The following MAOB variants were observed in gnomAD, a reference collection of about 807,000 sequenced individuals.
MAOB encodes the protein monoamine oxidase B.
Under a neutral mutation model 41.9 loss-of-function variants are expected in MAOB, and 15 were observed. The ratio of observed to expected loss-of-function variants is 0.36; its 90% CI spans 0.24 to 0.55. The LOEUF (loss-of-function observed/expected upper bound fraction) is 0.55. Ranked by LOEUF, MAOB falls within the 20% of genes least tolerant of loss-of-function variation. The pLI is 0.86. For missense variants in MAOB, 345 were observed against 398.7 expected, an observed-to-expected ratio of 0.87 and a Z score of 1.15; for synonymous variants, 167 against 144.2, an observed-to-expected ratio of 1.16 and a Z score of -1.13.
chrX:43,781,000 C>A (rs990162193), intron 9 of MAOB, among the ~76,000 whole-genome samples: 19 of 111,133 alleles, frequency 1.7e-4, no homozygotes, highest in African/African-American at 5.9e-4. Context: ...ACGTGCTGGT[C>A]GTCCCTGGAA....
chrX:43,811,980 C>T (rs1274581745), intron 3 of MAOB, among the ~76,000 whole-genome samples: 1 of 111,345 alleles, frequency 9.0e-6, no homozygotes, highest in Admixed American at 9.6e-5. Context: ...CCTTATCTTC[C>T]TCCCACCAAC....
chrX:43,853,693 T>G (rs1290408420), intron 1 of MAOB, among the ~76,000 whole-genome samples: 1 of 111,464 alleles, frequency 9.0e-6, no homozygotes, highest in Non-Finnish European at 1.9e-5. Flanking sequence ...AACAGAGACA[T>G]GCACATAGGG....
At chrX:43,808,888 A>G (rs1306517118) in intron 3 of MAOB, among the ~76,000 whole-genome samples, 5 of 110,438 alleles carry the variant, frequency 4.5e-5, no homozygotes, top group Non-Finnish European at 9.4e-5. Context: ...TATTTTTAGT[A>G]GAGACGTGGT....
intron 11 of MAOB, among the ~76,000 whole-genome samples, chrX:43,778,213 G>A (rs779125061): frequency 2.3e-4 from 25 of 111,067 alleles, no homozygotes; most frequent in Non-Finnish European, 3.4e-4. Context: ...TTTTTTTACT[G>A]TGAGACAGTG....
At chrX:43,859,262 T>G (rs2035317034) in intron 1 of MAOB, among the ~76,000 whole-genome samples, 1 of 111,601 alleles carries the variant, frequency 9.0e-6, no homozygotes, top group Non-Finnish European at 1.9e-5. Flanking sequence ...GTCGATAACA[T>G]TTTTATCATA....
At chrX:43,815,030 C>G (rs1055039350) in intron 3 of MAOB, among the ~76,000 whole-genome samples, 2 of 111,402 alleles carry the variant, frequency 1.8e-5, no homozygotes, top group Admixed American at 1.9e-4. Flanking sequence ...GCATTGACCT[C>G]AAAGAATAAG....
At chrX:43,825,020 T>C (rs1341345057) in intron 3 of MAOB, among the ~76,000 whole-genome samples, 1 of 112,858 alleles carries the variant, frequency 8.9e-6, no homozygotes, top group Non-Finnish European at 1.9e-5. Context: ...CTAGGCCCTA[T>C]GCCATTTAGC....
chrX:43,850,794 T>C (rs778383700), intron 1 of MAOB, among the ~76,000 whole-genome samples: 2 of 112,322 alleles, frequency 1.8e-5, no homozygotes, highest in African/African-American at 6.5e-5. Context: ...GGATGATTTA[T>C]GCTCTTGAAA....
chrX:43,850,793 A>G (rs758403256), intron 1 of MAOB, among the ~76,000 whole-genome samples: 211 of 112,322 alleles, frequency 1.9e-3, no homozygotes, highest in Non-Finnish European at 3.5e-3. Context: ...GGGATGATTT[A>G]TGCTCTTGAA....
chrX:43,820,810 A>G (rs748624913), intron 3 of MAOB, among the ~76,000 whole-genome samples: 1 of 112,550 alleles, frequency 8.9e-6, no homozygotes, highest in East Asian at 2.8e-4. Context: ...AGTGACTTGC[A>G]CATAGTAAAT....
intron 12 of MAOB, among the ~76,000 whole-genome samples, chrX:43,772,720 T>C (rs997906643): frequency 1.8e-5 from 2 of 111,793 alleles, no homozygotes; most frequent in Non-Finnish European, 3.8e-5. Context: ...TTTCCAATGC[T>C]TGAGGTGGGG....
intron 10 of MAOB, among the ~76,000 whole-genome samples, chrX:43,780,025 A>T (rs1274148055): frequency 1.8e-5 from 2 of 111,668 alleles, no homozygotes; most frequent in African/African-American, 6.5e-5. Context: ...CCCCTGGGTT[A>T]TATCCATTTT....
intron 5 of MAOB, among the ~76,000 whole-genome samples, chrX:43,801,516 A>T (rs1230039896): frequency 1.8e-5 from 2 of 111,571 alleles, no homozygotes; most frequent in Non-Finnish European, 3.8e-5. Context: ...TTGAATGGGA[A>T]CCCTCATAAT....
At chrX:43,844,334 T>C (rs1247933893) in intron 1 of MAOB, 1 of 112,247 alleles carries the variant, frequency 8.9e-6, no homozygotes, top group Non-Finnish European at 1.9e-5. Context: ...TCATGACTAA[T>C]TTAATTATTA....
intron 3 of MAOB, chrX:43,838,103 T>C (rs1236196273): frequency 1.6e-5 from 4 of 256,100 alleles, no homozygotes; most frequent in Admixed American, 1.2e-4. Context: ...TTCTGCAAAT[T>C]TAAGAGCCTT....
At chrX:43,816,752 A>G in intron 3 of MAOB, among the ~76,000 whole-genome samples, 1 of 112,011 alleles carries the variant, frequency 8.9e-6, no homozygotes, top group Non-Finnish European at 1.9e-5. Flanking sequence ...TGAGAGAGAA[A>G]TAAGAGGAAG....
intron 1 of MAOB, among the ~76,000 whole-genome samples, chrX:43,853,267 C>CAAAAAA (rs397957481): frequency 6.9e-4 from 18 of 26,092 alleles, no homozygotes; most frequent in East Asian, 9.4e-4. Context: ...GAGTCCGTCT[C>CAAAAAA]AAAAAAAAAA....
chrX:43,882,164 C>A, intron 1 of MAOB, 90 bp downstream of exon 1: 1 of 1,160,381 alleles, frequency 8.6e-7, no homozygotes, highest in South Asian at 2.0e-5. Flanking sequence ...CAGGGTCAGC[C>A]CCTGCCCCAC....
intron 3 of MAOB, among the ~76,000 whole-genome samples, chrX:43,814,105 G>C (rs2034780219): frequency 9.0e-6 from 1 of 110,905 alleles, no homozygotes; most frequent in Admixed American, 9.6e-5. Context: ...AGAGGCCCTA[G>C]TGTCTTCAGA....
Sources: allele counts gnomAD v4.1 joint callset (sites outside exome capture counted in the v4.1 genomes callset), GRCh38; gene constraint gnomAD v4.1.1; transcripts MANE v1.5; gene names NCBI Gene and HGNC (gene_info 2026-07-23, HGNC 2026-07-21).